The following IFT74 variants were observed in gnomAD, a reference collection of about 807,000 sequenced individuals.
The protein encoded by IFT74 is intraflagellar transport 74.
Under a neutral mutation model 96.7 loss-of-function variants are expected in IFT74, and 92 were observed. The ratio of observed to expected loss-of-function variants is 0.95; its 90% CI spans 0.80 to 1.13. The LOEUF is 1.13. Among genes scored for constraint, IFT74 ranks in the 50% most tolerant of loss-of-function variants. The pLI, the probability that IFT74 is intolerant of heterozygous loss-of-function variation, is 0.00. For synonymous variants in IFT74, 223 were observed against 213.2 expected (o/e 1.05, Z -0.40); for missense variants, 811 against 698.2 (o/e 1.16, Z -1.82).
At chr9:27,047,521 C>A in intron 15 of IFT74, 150 bp downstream of exon 15, 1 of 537,348 alleles carries the variant, frequency 1.9e-6, no homozygotes, top group Admixed American at 3.8e-5. Context: ...TTTATTTCAG[C>A]TATTAACTTT....
At chr9:27,040,326 G>A (rs1238583455) in intron 13 of IFT74, among the ~76,000 whole-genome samples, 2 of 151,932 alleles carry the variant, frequency 1.3e-5, no homozygotes, top group African/African-American at 4.8e-5. Context: ...TGAAGTGGGG[G>A]GATCACTTGA....
intron 2 of IFT74, among the ~76,000 whole-genome samples, chr9:26,967,787 G>A (rs10967630): frequency 0.1 from 15,552 of 152,032 alleles, 1,824 homozygotes; most frequent in East Asian, 0.65. Context: ...GGTTTTTTGA[G>A]GATTTTGATC....
At chr9:26,959,600 G>A (rs1826265690) in intron 1 of IFT74, among the ~76,000 whole-genome samples, 1 of 152,194 alleles carries the variant, frequency 6.6e-6, no homozygotes, top group South Asian at 2.1e-4. Flanking sequence ...AAAAAGATGG[G>A]ATCAAGGGTA....
At position 27,025,156 on chromosome 9, in the gene IFT74, A is replaced by G. The variant is rs186810547; in HGVS notation, c.975-3869A>G. On this transcript the variant is annotated intron_variant, in intron 12 of 19. Coordinates refer to ENST00000380062, the MANE Select transcript of IFT74 (RefSeq NM_025103.4). ...GAGATGTAGACATCCAAATATAAGA[A>G]TGTCATGGCTGAGCACGGTGGCTCA... Among the ~76,000 whole-genome samples the G allele has an allele frequency of 3.4e-3, 516 of 152,158 alleles. 5 individuals are homozygous for G. Among genetic ancestry groups the G allele is most frequent in the African/African-American group, 0.012 (496 of 41,532 alleles).
intron 8 of IFT74, among the ~76,000 whole-genome samples, chr9:27,005,874 C>T: frequency 6.6e-6 from 1 of 152,014 alleles, no homozygotes; most frequent in East Asian, 1.9e-4. Flanking sequence ...AAGTCTCGCT[C>T]TGTCATTCAG....
chr9:26,986,433 A>T (rs1827637780), intron 6 of IFT74, among the ~76,000 whole-genome samples: 1 of 150,608 alleles, frequency 6.6e-6, no homozygotes, highest in African/African-American at 2.4e-5. Context: ...CTCCCACCTA[A>T]GCCTCCCAAG....
At chr9:26,971,012 C>T (rs1044484749) in intron 2 of IFT74, among the ~76,000 whole-genome samples, 1 of 152,170 alleles carries the variant, frequency 6.6e-6, no homozygotes, top group African/African-American at 2.4e-5. Context: ...TGCTAACTCT[C>T]TAATGACATG....
chr9:27,031,993 T>A (rs796606243), intron 13 of IFT74, among the ~76,000 whole-genome samples: 14 of 152,172 alleles, frequency 9.2e-5, no homozygotes, highest in African/African-American at 3.4e-4. Context: ...ATTACAGGTG[T>A]GAGCCACTGT....
intron 16 of IFT74, among the ~76,000 whole-genome samples, chr9:27,049,524 A>T (rs1463796925): frequency 2.0e-5 from 3 of 152,128 alleles, no homozygotes; most frequent in African/African-American, 7.2e-5. Flanking sequence ...ATTTGTGCTG[A>T]GAGTGGAATT....
chr9:27,061,071 A>G (rs1820399202), intron 19 of IFT74: 2 of 219,076 alleles, frequency 9.1e-6, no homozygotes, highest in Non-Finnish European at 1.9e-5. Context: ...CCTACTTATT[A>G]AATACCAGAT....
chr9:27,015,538 G>A (rs912990329), intron 10 of IFT74, among the ~76,000 whole-genome samples: 1 of 152,152 alleles, frequency 6.6e-6, no homozygotes, highest in African/African-American at 2.4e-5. Flanking sequence ...TTGGGAGGCT[G>A]AGGCAGGAGA....
At chr9:27,052,157 A>T (rs771222977) in intron 16 of IFT74, among the ~76,000 whole-genome samples, 2 of 152,182 alleles carry the variant, frequency 1.3e-5, no homozygotes, top group African/African-American at 2.4e-5. Context: ...AAATTCAATA[A>T]TCAAGACTTT....
chr9:27,002,067 T>A (rs1296625161), intron 8 of IFT74, among the ~76,000 whole-genome samples: 1 of 152,092 alleles, frequency 6.6e-6, no homozygotes, highest in East Asian at 1.9e-4. Context: ...GAAGCAGGCA[T>A]GTCTTACATG....
intron 16 of IFT74, among the ~76,000 whole-genome samples, chr9:27,050,927 A>G (rs1323720591): frequency 1.3e-5 from 2 of 152,164 alleles, no homozygotes; most frequent in Non-Finnish European, 1.5e-5. Context: ...ATAATGATCC[A>G]TAATACCTTT....
intron 16 of IFT74, among the ~76,000 whole-genome samples, chr9:27,052,369 G>A (rs1350505156): frequency 6.6e-6 from 1 of 152,008 alleles, no homozygotes; most frequent in African/African-American, 2.4e-5. Flanking sequence ...ATTAGCCTGT[G>A]TGGTGGTGCA....
chr9:26,994,239 C>T (rs1828024186), intron 8 of IFT74: 1 of 152,006 alleles, frequency 6.6e-6, no homozygotes, highest in Non-Finnish European at 1.5e-5. Context: ...TTACATAAAT[C>T]CTATTGTAAA....
Position 27,045,639 on chromosome 9 carries a change from T to A in IFT74, c.1108+844T>A, listed in dbSNP as rs189845663. On this transcript the variant is annotated intron_variant, in intron 14 of 19. Transcript: ENST00000380062. Reference sequence around the variant, plus strand: ...TAAACCTATACATTTATAATTTTTTTAAAAAATTGGCATGTATTCTCAATT... The same window carrying A: ...TAAACCTATACATTTATAATTTTTTAAAAAAATTGGCATGTATTCTCAATT... Among the ~76,000 whole-genome samples the A allele has an allele frequency of 4.4e-3, 668 of 152,248 alleles. 6 individuals are homozygous for A. Among genetic ancestry groups the A allele is most frequent in the African/African-American group, 0.015 (617 of 41,524 alleles).
At chr9:26,971,041 A>G (rs1483899145) in intron 2 of IFT74, among the ~76,000 whole-genome samples, 2 of 152,152 alleles carry the variant, frequency 1.3e-5, no homozygotes, top group African/African-American at 4.8e-5. Context: ...AATGGGTTTC[A>G]TTGTCTGAAT....
At chr9:26,967,409 T>C (rs1338552294) in intron 2 of IFT74, among the ~76,000 whole-genome samples, 2 of 152,186 alleles carry the variant, frequency 1.3e-5, no homozygotes, top group Non-Finnish European at 1.5e-5. Context: ...TGTTAGCATA[T>C]AGAAATGCTA....
Sources: allele counts gnomAD v4.1 joint callset (sites outside exome capture counted in the v4.1 genomes callset), GRCh38; gene constraint gnomAD v4.1.1; transcripts MANE v1.5; gene names NCBI Gene and HGNC (gene_info 2026-07-23, HGNC 2026-07-21).